Variants in NLGN1 observed in about 807,000 individuals in gnomAD.
The protein encoded by NLGN1 is neuroligin 1.
In NLGN1, 12 loss-of-function variants were observed where a neutral mutation model predicts 65.5. The observed-to-expected ratio is 0.18, with a 90% CI of 0.12 to 0.30. The LOEUF is 0.30. Among genes scored for constraint, NLGN1 ranks in the 10% least tolerant of loss-of-function variants. The probability of loss-of-function intolerance (pLI) is 1.00; values close to 1 mark genes in which losing one functional copy is unlikely to be tolerated. For synonymous variants in NLGN1, 350 were observed against 359.5 expected (o/e 0.97, Z 0.30); for missense variants, 750 against 1,007.1 (o/e 0.74, Z 3.46).
At chr3:174,074,151 A>G (rs1740443947) in intron 4 of NLGN1, among the ~76,000 whole-genome samples, 2 of 152,112 alleles carry the variant, frequency 1.3e-5, no homozygotes, top group Non-Finnish European at 2.9e-5. Context: ...GCATCTCAAA[A>G]TAAAAGGCTT....
At chr3:174,161,326 T>C (rs1726461193) in intron 4 of NLGN1, among the ~76,000 whole-genome samples, 1 of 151,870 alleles carries the variant, frequency 6.6e-6, no homozygotes, top group African/African-American at 2.4e-5. Flanking sequence ...AAGGAAAACA[T>C]TATTTTATTT....
intron 4 of NLGN1, among the ~76,000 whole-genome samples, chr3:174,241,074 C>G (rs1742713756): frequency 6.6e-6 from 1 of 152,156 alleles, no homozygotes; most frequent in Non-Finnish European, 1.5e-5. Context: ...CCAACCCCTT[C>G]TAACAATGAC....
chr3:174,160,728 A>G (rs550959897), intron 4 of NLGN1, among the ~76,000 whole-genome samples: 2 of 151,366 alleles, frequency 1.3e-5, no homozygotes, highest in East Asian at 3.9e-4. Flanking sequence ...TAGTTTTATC[A>G]TATTGCCAAT....
At chr3:174,118,950 T>C (rs1373010412) in intron 4 of NLGN1, among the ~76,000 whole-genome samples, 1 of 152,148 alleles carries the variant, frequency 6.6e-6, no homozygotes, top group Non-Finnish European at 1.5e-5. Context: ...CTCAATATTC[T>C]TCTCTATAAT....
chr3:173,770,897 T>C lies in NLGN1; in HGVS notation c.494-36783T>C, dbSNP rs560315537. Among the ~76,000 whole-genome samples the C allele has an allele frequency of 1.1e-4, 17 of 152,276 alleles. 1 individual carries two copies. The South Asian group carries it at 2.9e-3, about 26-fold the overall frequency. ...GGCTTTCAACCTTTATAGGAGAGCT[T>C]GTGAATCAAAAAGCATACTGCCAAT... On this transcript the variant is annotated intron_variant, in intron 3 of 6. Transcript: ENST00000457714.
intron 4 of NLGN1, among the ~76,000 whole-genome samples, chr3:173,883,263 G>A (rs1040679089): frequency 6.6e-6 from 1 of 152,182 alleles, no homozygotes; most frequent in African/African-American, 2.4e-5. Context: ...CTGTGTCTAA[G>A]GGAATAGGAA....
chr3:173,945,339 G>A lies in NLGN1; in HGVS notation c.646+137507G>A, dbSNP rs914702839. Reference sequence around the variant, plus strand: ...AACAAATACATTTTTTGATGTGGGTGTAAACCTAATTTCCCTGTGCATAAT... The same window carrying A: ...AACAAATACATTTTTTGATGTGGGTATAAACCTAATTTCCCTGTGCATAAT... On this transcript the variant is annotated intron_variant, in intron 4 of 6. Coordinates refer to ENST00000457714, the Ensembl canonical transcript of NLGN1. Among the ~76,000 whole-genome samples the A allele has an allele frequency of 5.9e-5, 9 of 152,060 alleles. No individual in the cohort carries two copies. The East Asian group carries it at 1.6e-3, about 26-fold the overall frequency.
At chr3:173,763,421 T>G (rs896634436) in intron 3 of NLGN1, among the ~76,000 whole-genome samples, 1 of 152,144 alleles carries the variant, frequency 6.6e-6, no homozygotes, top group African/African-American at 2.4e-5. Flanking sequence ...TGTAATTTCA[T>G]GCCCTGTTGA....
intron 4 of NLGN1, among the ~76,000 whole-genome samples, chr3:174,266,656 C>A (rs1205395631): frequency 6.6e-6 from 1 of 152,136 alleles, no homozygotes; most frequent in Non-Finnish European, 1.5e-5. Flanking sequence ...AGTAGCTGAA[C>A]TAATATCATT....
At chr3:173,613,020 T>C (rs916644173) in intron 3 of NLGN1, among the ~76,000 whole-genome samples, 12 of 152,090 alleles carry the variant, frequency 7.9e-5, no homozygotes, top group African/African-American at 2.9e-4. Flanking sequence ...ACGTAATTAA[T>C]TATATCTGTA....
intron 2 of NLGN1, among the ~76,000 whole-genome samples, chr3:173,573,083 A>G (rs1744913890): frequency 6.8e-6 from 1 of 146,890 alleles, no homozygotes; most frequent in Non-Finnish European, 1.5e-5. Context: ...CCGAACCCTG[A>G]AACTATTTCC....
intron 2 of NLGN1, among the ~76,000 whole-genome samples, chr3:173,568,277 T>C (rs1220751026): frequency 6.6e-6 from 1 of 151,928 alleles, no homozygotes; most frequent in East Asian, 1.9e-4. Flanking sequence ...GGAGTCTTAC[T>C]CTGTTGCCCA....
At chr3:174,002,997 A>G (rs1391392167) in intron 4 of NLGN1, among the ~76,000 whole-genome samples, 1 of 152,224 alleles carries the variant, frequency 6.6e-6, no homozygotes, top group Non-Finnish European at 1.5e-5. Flanking sequence ...CTTCAAAGGC[A>G]TGCAGAAAAG....
At chr3:174,011,451 A>T (rs1294595234) in intron 4 of NLGN1, among the ~76,000 whole-genome samples, 1 of 152,184 alleles carries the variant, frequency 6.6e-6, no homozygotes, top group African/African-American at 2.4e-5. Flanking sequence ...AAGTATCTAT[A>T]TTCACAGTTT....
At chr3:173,680,560 C>T (rs78755694) in intron 3 of NLGN1, among the ~76,000 whole-genome samples, 6,577 of 152,068 alleles carry the variant, frequency 0.043, 181 homozygotes, top group African/African-American at 0.06. Flanking sequence ...TCTGAAAAAA[C>T]GAAATTCAGT....
chr3:173,681,237 A>G (rs1343846772), intron 3 of NLGN1, among the ~76,000 whole-genome samples: 1 of 152,204 alleles, frequency 6.6e-6, no homozygotes, highest in African/African-American at 2.4e-5. Flanking sequence ...AAATAGAAAC[A>G]TGAAATGTTT....
Position 174,279,911 on chromosome 3 carries a change from A to G in NLGN1, c.1649+261A>G, listed in dbSNP as rs894458470. 6.6e-6 allele frequency among the ~76,000 whole-genome samples: 1 copy of G among 151,984 alleles called. No homozygotes were observed. The highest frequency in any genetic ancestry group is 1.5e-5 in the Non-Finnish European group (1 of 67,940). Reference sequence around the variant, plus strand: ...CATCTGCTTTTGGTTTTTGAATTATACAAGACTTGTTATTGTTCAGCAGTA... The same window carrying G: ...CATCTGCTTTTGGTTTTTGAATTATGCAAGACTTGTTATTGTTCAGCAGTA... On this transcript the variant is annotated intron_variant, in intron 6 of 6. Transcript: ENST00000457714. This position sits in a 1 kb window ranked among gnomAD's most constrained non-coding sequence, Gnocchi z 4.7.
intron 4 of NLGN1, among the ~76,000 whole-genome samples, chr3:174,180,266 A>G (rs1730148035): frequency 6.6e-6 from 1 of 152,180 alleles, no homozygotes; most frequent in African/African-American, 2.4e-5. Context: ...TCACAAAAAC[A>G]AATGGCCAGT....
At chr3:173,818,892 G>GTTTTTTTTTTTTTTTTTTTTTTTTTTTTT (rs1224307666) in intron 4 of NLGN1, among the ~76,000 whole-genome samples, 1 of 21,314 alleles carries the variant, frequency 4.7e-5, no homozygotes, top group African/African-American at 2.7e-4. Context: ...CCTTTGAATA[G>GTTTTTTTTTTTTTTTTTTTTTTTTTTTTT]TTCTTTTTTT....
Sources: allele counts gnomAD v4.1 joint callset (sites outside exome capture counted in the v4.1 genomes callset), GRCh38; gene constraint gnomAD v4.1.1; non-coding constraint Gnocchi (gnomAD v3.1); transcripts MANE v1.5; gene names NCBI Gene and HGNC (gene_info 2026-07-23, HGNC 2026-07-21).